Variants in IQCN observed in about 807,000 individuals in gnomAD.
IQCN encodes the protein IQ domain-containing protein N.
A neutral mutation model predicts 64.4 loss-of-function variants in IQCN; 46 were observed. The observed-to-expected ratio is 0.71, with a 90% confidence interval of 0.56 to 0.91. The LOEUF (loss-of-function observed/expected upper bound fraction) is 0.91. Among genes scored for constraint, IQCN ranks in the 40% least tolerant of loss-of-function variants. The pLI is 0.00. For synonymous variants in IQCN, 733 were observed against 775.6 expected, an observed-to-expected ratio of 0.95 and a Z score of 0.91; for missense variants, 1,753 against 1,857.4, an observed-to-expected ratio of 0.94 and a Z score of 1.03.
At chr19:18,272,220 C>T (rs902691935) in intron 1 of IQCN, among the ~76,000 whole-genome samples, 1 of 150,388 alleles carries the variant, frequency 6.6e-6, no homozygotes, top group Non-Finnish European at 1.5e-5. Flanking sequence ...CTCTACCTCT[C>T]GGTTTCCAGC....
At chr19:18,270,965 A>T (rs1054842743) in intron 1 of IQCN, among the ~76,000 whole-genome samples, 3 of 152,026 alleles carry the variant, frequency 2.0e-5, no homozygotes, top group Non-Finnish European at 4.4e-5. Context: ...CAAGGTCAGG[A>T]GTTCGAGAAC....
chr19:18,259,691 G>C (rs1969386052), intron 3 of IQCN: 1 of 152,290 alleles, frequency 6.6e-6, no homozygotes, highest in African/African-American at 2.4e-5. Context: ...GTGGGACCAT[G>C]GATGCCTCAG....
At chr19:18,258,565 A>G (rs757144780) in intron 3 of IQCN, 3 of 394,744 alleles carry the variant, frequency 7.6e-6, no homozygotes, top group African/African-American at 2.1e-5. Context: ...TCTGTCTGGA[A>G]GGGACTGGAC....
intron 3 of IQCN, among the ~76,000 whole-genome samples, chr19:18,263,490 C>T (rs373726445): frequency 7.2e-5 from 11 of 152,184 alleles, no homozygotes; most frequent in African/African-American, 2.2e-4. Context: ...TGTCTTGGGA[C>T]GAACTTGAGC....
chr19:18,257,745 G>A lies in IQCN; in HGVS notation c.3539C>T (p.Ala1180Val), dbSNP rs370732102. Reference protein sequence around the residue: ...WRGYSTRRDQARHWQMLHPVT... With the variant: ...WRGYSTRRDQVRHWQMLHPVT... ...GGGGTGGAGCATCTGCCAGTGCCGG[G>A]CTTGGTCCCGGCGGGTGCTGTAGCC... Residue 1180 changes from alanine to valine, a missense_variant, in exon 4 of 4, where the codon GCC (alanine) becomes GTC (valine). Coordinates refer to ENST00000392413, the MANE Select transcript of IQCN (RefSeq NM_001145304.2). The A allele has an allele frequency of 1.9e-5, 30 of 1,610,978 alleles. No individual in the cohort carries two copies. Among genetic ancestry groups the A allele is most frequent in the Non-Finnish European group, 2.5e-5 (30 of 1,179,008 alleles).
rs150907790 is a variant in IQCN at position 18,266,275 on chromosome 19, G to A, written c.1265C>T (p.Thr422Ile). ...TGTPRQTCPA[T>I]ITAKNRPQVS... ...CTGAGGTCGGTTCTTTGCCGTGATG[G>A]TCGCAGGGCATGTCTGCCGTGGGGT... The change falls in exon 3 of 4, where the codon ACC (threonine) becomes ATC (isoleucine). Residue 422 changes from threonine to isoleucine, a missense_variant. Thr to Ile is a moderately conservative substitution (Grantham distance 89, BLOSUM62 -1). Coordinates refer to ENST00000392413, the MANE Select transcript of IQCN (RefSeq NM_001145304.2). This position sits in a 1 kb window ranked among gnomAD's most constrained non-coding sequence, Gnocchi z 4.3. 154 of 1,613,648 alleles carry A rather than the reference G, an allele frequency of 9.5e-5. No homozygotes were observed. The African/African-American group carries it at 1.8e-3, about 18-fold the overall frequency.
Position 18,266,555 on chromosome 19 carries a change from T to C in IQCN, c.985A>G (p.Ile329Val), listed in dbSNP as rs764039269. 6.2e-6 allele frequency: 10 copies of C among 1,613,206 alleles called. No homozygotes were observed. The highest frequency in any genetic ancestry group is 8.5e-6 in the Non-Finnish European group (10 of 1,179,522). The change falls in exon 3 of 4, where the codon ATA becomes GTA. Residue 329 changes from isoleucine to valine, a missense_variant. Coordinates refer to ENST00000392413, the MANE Select transcript of IQCN (RefSeq NM_001145304.2). The surrounding 1 kb of genome is among the most constrained non-coding windows in gnomAD (Gnocchi z 4.3). ...TTGGTGATCATGGGCCCTGGACATA[T>C]CTGGAAGGGGGCTTTGGGGGTCTCT... ...KAETPKAPFQ[I>V]CPGPMITKTL...
intron 1 of IQCN, among the ~76,000 whole-genome samples, chr19:18,272,783 T>C (rs1373037976): frequency 6.6e-6 from 1 of 151,816 alleles, no homozygotes; most frequent in East Asian, 2.0e-4. Context: ...GTTAATATTT[T>C]GTATTTTTAG....
At chr19:18,269,369 CT>C (rs1488533124) in intron 2 of IQCN, 96 bp downstream of exon 2, 15 of 1,286,586 alleles carry the variant, frequency 1.2e-5, no homozygotes, top group Non-Finnish European at 1.5e-5. Flanking sequence ...TCAAGCCACC[CT>C]GATGCATAGC....
rs768504480 is a variant in IQCN at position 18,257,695 on chromosome 19, G to A, written c.3589C>T (p.Arg1197Trp). 18 of 1,603,960 alleles carry A rather than the reference G, an allele frequency of 1.1e-5. 1 individual carries two copies. The highest frequency in any genetic ancestry group is 1.7e-5 in the Admixed American group (1 of 59,508). The change falls in exon 4 of 4, where the codon CGG (arginine) becomes TGG (tryptophan). Residue 1197 changes from arginine to tryptophan, a missense_variant. By Grantham distance (101) the Arg-to-Trp change is moderately radical. Transcript: ENST00000392413. ...HPVTWVELGS[R>W]AGVMSDRSWF... Reference sequence around the variant, plus strand: ...CTTCGGTCAGACATGACCCCGGCCCGGCTGCCCAGCTCCACCCACGTGACG... The same window carrying A: ...CTTCGGTCAGACATGACCCCGGCCCAGCTGCCCAGCTCCACCCACGTGACG...
rs1056388430 is a variant in IQCN at position 18,257,429 on chromosome 19, G to A, written c.3855C>T (p.Ser1285=). 1.4e-5 allele frequency: 22 copies of A among 1,609,600 alleles called. No homozygotes were observed. The highest frequency in any genetic ancestry group is 5.0e-5 in the Admixed American group (3 of 59,902). ...GACTCAGGGCAGCCAGCTGGTAGGC[G>A]GAGGCCCAAGACACTGCCCCGGGGC... The part of the protein sequence containing the change: ...TEGPGAVSWA[S]AYQLAALSPR... Residue 1285 remains serine, a synonymous_variant, in exon 4 of 4, where the codon TCC becomes TCT. Coordinates refer to ENST00000392413, the MANE Select transcript of IQCN (RefSeq NM_001145304.2).
chr19:18,263,962 T>A (rs1036921995), intron 3 of IQCN, among the ~76,000 whole-genome samples: 6 of 152,104 alleles, frequency 3.9e-5, no homozygotes, highest in Non-Finnish European at 8.8e-5. Context: ...CAGTTGGCAA[T>A]GAGAGGCTGC....
chr19:18,264,747 G>C lies in IQCN; in HGVS notation c.2793C>G (p.Ser931Arg). 1 of 1,551,164 alleles carries C rather than the reference G, an allele frequency of 6.4e-7. No homozygotes were observed. The highest frequency in any genetic ancestry group is 1.2e-5 in the South Asian group (1 of 84,086). The change falls in exon 3 of 4, where the codon AGC (serine) becomes AGG (arginine). Residue 931 changes from serine (S) to arginine (R), a missense_variant. By Grantham distance (110) the Ser-to-Arg change is moderately radical. Coordinates refer to ENST00000392413, the MANE Select transcript of IQCN (RefSeq NM_001145304.2). This position sits in a 1 kb window ranked among gnomAD's most constrained non-coding sequence, Gnocchi z 4.3. The stretch of plus-strand genomic sequence containing the variant: ...CCTTCACCAGCGCCATGCTCAGCAT[G>C]CTCTGGGGCAGGGCTTTGGTGACAG... The part of the protein sequence containing the change: ...GATVTKALPQ[S>R]MLSMALVKAL...
intron 2 of IQCN, 120 bp from the exon 3 acceptor site, chr19:18,267,646 C>A: frequency 2.4e-6 from 3 of 1,275,866 alleles, no homozygotes; most frequent in Non-Finnish European, 3.1e-6. Context: ...TGCGATCTTC[C>A]GCCTCCCTTT....
rs1969501230 is a variant in IQCN at position 18,264,549 on chromosome 19, AC to A, written c.2990del (p.Gly997ValfsTer4). The A allele has an allele frequency of 6.4e-7, 1 of 1,551,196 alleles. No individual in the cohort carries two copies. ...GACACCAAGACTGGCTCAGGAGAGC[AC>A]CCAGCTCACCCTGACACAGGGCCTG... is the stretch of plus-strand genomic sequence containing the variant. ...LSQALCQGEL[G>X]ALLSQSWCRV... On this transcript the variant is annotated frameshift_variant, in exon 3 of 4. Transcript: ENST00000392413. LOFTEE classifies it high-confidence loss of function. The surrounding 1 kb of genome is among the most constrained non-coding windows in gnomAD (Gnocchi z 4.3).
At chr19:18,261,713 T>A (rs1339007395) in intron 3 of IQCN, 1 of 155,380 alleles carries the variant, frequency 6.4e-6, no homozygotes, top group Admixed American at 6.5e-5. Flanking sequence ...TGACCACAGA[T>A]GGGTAGGCTG....
intron 2 of IQCN, chr19:18,267,787 CTTTTCTT>C (rs1328593977): frequency 3.0e-6 from 1 of 327,904 alleles, no homozygotes; most frequent in Non-Finnish European, 5.2e-6. Flanking sequence ...TTTCTTTTTT[CTTTTCTT>C]TTTTTTTTTT....
intron 2 of IQCN, 53 bp downstream of exon 2, chr19:18,269,413 C>T: frequency 6.3e-7 from 1 of 1,591,832 alleles, no homozygotes; most frequent in South Asian, 1.1e-5. Flanking sequence ...GGCAGAAGCC[C>T]CTCTCTTCAG....
At chr19:18,261,753 G>A (rs1185097785) in intron 3 of IQCN, 1 of 156,350 alleles carries the variant, frequency 6.4e-6, no homozygotes, top group Non-Finnish European at 1.4e-5. Flanking sequence ...GGGCTGAGAT[G>A]GCTGGGCAAG....
Sources: allele counts gnomAD v4.1 joint callset (sites outside exome capture counted in the v4.1 genomes callset), GRCh38; gene constraint gnomAD v4.1.1; non-coding constraint Gnocchi (gnomAD v3.1); transcripts MANE v1.5; gene names NCBI Gene and HGNC (gene_info 2026-07-23, HGNC 2026-07-21).